The following MYSM1 variants were observed in gnomAD, a reference collection of about 807,000 sequenced individuals.
MYSM1 encodes the protein deubiquitinase MYSM1.
MYSM1 carries 51 observed loss-of-function variants against 116.0 expected under a neutral mutation model. That is an observed-to-expected ratio of 0.44 (90% CI 0.35 to 0.56). MYSM1 has a LOEUF of 0.56. Ranked by LOEUF, MYSM1 falls within the 20% of genes least tolerant of loss-of-function variation. MYSM1 has a pLI of 0.00. For missense variants in MYSM1, 900 were observed against 974.9 expected (o/e 0.92, Z 1.02); for synonymous variants, 313 against 315.2 (o/e 0.99, Z 0.07).
chr1:58,689,946 A>G lies in MYSM1; in HGVS notation c.320+280T>C, dbSNP rs1468159939. On this transcript the variant is annotated intron_variant, in intron 5 of 19. Transcript: ENST00000472487. ...AATCAAGTCAATTCCAATATATCAC[A>G]TAACAGCTTCTCAAAATTTCCCCAT... Among the ~76,000 whole-genome samples the G allele has an allele frequency of 3.3e-5, 5 of 152,356 alleles. No homozygotes were observed. The East Asian group carries it at 9.6e-4, about 29-fold the overall frequency.
intron 10 of MYSM1, among the ~76,000 whole-genome samples, chr1:58,674,492 G>A (rs928954173): frequency 6.6e-6 from 1 of 152,140 alleles, no homozygotes; most frequent in African/African-American, 2.4e-5. Flanking sequence ...AGTAAATCTA[G>A]ATAGAAATGG....
At chr1:58,679,121 T>TG (rs1317658106) in intron 8 of MYSM1, among the ~76,000 whole-genome samples, 3 of 152,324 alleles carry the variant, frequency 2.0e-5, no homozygotes, top group Admixed American at 2.0e-4. Flanking sequence ...AAAGAATCTT[T>TG]ATCTATAAAC....
Position 58,658,896 on chromosome 1 carries a change from C to T in MYSM1, c.*1101G>A, listed in dbSNP as rs1644352528. The T allele has an allele frequency of 1.3e-5, 2 of 150,038 alleles. No individual in the cohort carries two copies. The highest frequency in any genetic ancestry group is 4.9e-5 in the African/African-American group (2 of 40,896). 9.3% of individuals were successfully genotyped at this position (150,038 alleles called of 1,614,324 possible). Reference sequence around the variant, plus strand: ...TCAAGGGTTGGAGAATAATAGCCAACAGCCTATGTTTTATGAGGCCTGTGA... The same window carrying T: ...TCAAGGGTTGGAGAATAATAGCCAATAGCCTATGTTTTATGAGGCCTGTGA... On this transcript the variant is annotated 3_prime_UTR_variant, in exon 20 of 20. Transcript: ENST00000472487.
intron 8 of MYSM1, among the ~76,000 whole-genome samples, chr1:58,681,518 G>A (rs1237791038): frequency 2.0e-5 from 3 of 152,044 alleles, no homozygotes; most frequent in Non-Finnish European, 2.9e-5. Context: ...TCTTCCTAAC[G>A]CTGTCCTAGG....
chr1:58,675,431 A>G lies in MYSM1; in HGVS notation c.1494+46T>C, dbSNP rs774423897. The G allele has an allele frequency of 1.9e-5, 26 of 1,380,368 alleles. No individual in the cohort carries two copies. In the African/African-American group the frequency reaches 3.4e-4, roughly 18 times the overall value. The allele number at this position is 1,380,368 out of a possible 1,614,324, so 85.5% of individuals were successfully genotyped here. On this transcript the variant is annotated intron_variant, in intron 10 of 19. Transcript: ENST00000472487. Reference sequence around the variant, plus strand: ...TAAGTACGTAAACCACACTAAACAGAGTAAGCAGCAATGTGGAGAGATCAC... The same window carrying G: ...TAAGTACGTAAACCACACTAAACAGGGTAAGCAGCAATGTGGAGAGATCAC...
chr1:58,690,078 C>T (rs1343189831), intron 5 of MYSM1, 148 bp downstream of exon 5: 2 of 630,564 alleles, frequency 3.2e-6, no homozygotes, highest in Non-Finnish European at 5.3e-6. Context: ...ACTTGTGCCA[C>T]TCCAACATCT....
chr1:58,685,708 CAG>C (rs760645813), intron 6 of MYSM1, among the ~76,000 whole-genome samples: 69 of 152,142 alleles, frequency 4.5e-4, no homozygotes, highest in Non-Finnish European at 5.9e-5. Context: ...TATCTCACAG[CAG>C]AGACTTTTAC....
Position 58,667,239 on chromosome 1 carries a change from G to A in MYSM1, c.1843-13C>T, listed in dbSNP as rs1355992534. 4 of 1,489,024 alleles carry A rather than the reference G, an allele frequency of 2.7e-6. No homozygotes were observed. Among genetic ancestry groups the A allele is most frequent in the Non-Finnish European group, 3.6e-6 (4 of 1,110,976 alleles). 92.2% of individuals were successfully genotyped at this position (1,489,024 alleles called of 1,614,324 possible). A position where few individuals can be genotyped will look rare whatever the true frequency, so the allele number is the denominator to read the frequency against. On this transcript the variant is annotated splice_polypyrimidine_tract_variant and intron_variant, in intron 15 of 19. Coordinates refer to ENST00000472487, the MANE Select transcript of MYSM1 (RefSeq NM_001085487.3). ...CTGCTGCACAGACCTATAAACGATT[G>A]ATCCTCAAATGATTATACTAAAATC...
At chr1:58,665,464 G>GA (rs1644453938) in intron 17 of MYSM1, 35 bp downstream of exon 17, 2 of 1,495,150 alleles carry the variant, frequency 1.3e-6, no homozygotes, top group East Asian at 4.6e-5. Context: ...AATAAGAGTA[G>GA]AAAGAGGATA....
At chr1:58,682,679 GCTTTTCTTTTTTTT>G (rs72078164) in intron 7 of MYSM1, 134 bp from the exon 8 acceptor site, 190,716 of 690,536 alleles carry the variant, frequency 0.28, 14,723 homozygotes, top group Admixed American at 0.34. Context: ...CCTCTAATGC[GCTTTTCTTTTTTTT>G]CTTTTCTTTT....
Position 58,699,320 on chromosome 1 carries a change from G to A in MYSM1, c.68+665C>T, listed in dbSNP as rs556874200. Among the ~76,000 whole-genome samples, 122 of 152,306 alleles carry A rather than the reference G, an allele frequency of 8.0e-4. 1 individual carries two copies. The South Asian group carries it at 0.024, about 30-fold the overall frequency. ...TACATTCAGAGGGCACCTACCGTAT[G>A]CTAAAGCATATCTCATAATCATTTC... is the stretch of plus-strand genomic sequence containing the variant. On this transcript the variant is annotated intron_variant, in intron 1 of 19. Transcript: ENST00000472487.
chr1:58,680,728 C>A (rs1305641430), intron 8 of MYSM1, among the ~76,000 whole-genome samples: 1 of 152,176 alleles, frequency 6.6e-6, no homozygotes, highest in South Asian at 2.1e-4. Context: ...CAAAGCAGAA[C>A]CCCTGCTCAA....
intron 6 of MYSM1, 32 bp downstream of exon 6, chr1:58,689,006 T>C (rs758307046): frequency 1.9e-6 from 3 of 1,564,106 alleles, no homozygotes; most frequent in Non-Finnish European, 2.6e-6. Context: ...TCTAGAATTA[T>C]TTTACTAAAA....
Position 58,690,680 on chromosome 1 carries a change from A to ATT in MYSM1, c.219-265_219-264dup, listed in dbSNP as rs35937590. Among the ~76,000 whole-genome samples, 831 of 137,816 alleles carry ATT rather than the reference A, an allele frequency of 6.0e-3. 3 individuals carry two copies. The highest frequency in any genetic ancestry group is 0.018 in the East Asian group (86 of 4,774). 90.4% of individuals were successfully genotyped at this position (137,816 alleles called of 152,430 possible). A position where few individuals can be genotyped will look rare whatever the true frequency, so the allele number is the denominator to read the frequency against. On this transcript the variant is annotated intron_variant, in intron 3 of 19. Transcript: ENST00000472487. ...TAAAACACCATGAGATTATTTTGTG[A>ATT]TTTTTTTTTTTTTTTTTGGCTCATC... is the stretch of plus-strand genomic sequence containing the variant.
chr1:58,679,765 C>T (rs1195359335), intron 8 of MYSM1, among the ~76,000 whole-genome samples: 1 of 152,174 alleles, frequency 6.6e-6, no homozygotes, highest in Non-Finnish European at 1.5e-5. Flanking sequence ...TGGTGGCTCA[C>T]ACCTGTAATC....
At chr1:58,696,856 G>T (rs1644982128) in intron 1 of MYSM1, among the ~76,000 whole-genome samples, 1 of 152,092 alleles carries the variant, frequency 6.6e-6, no homozygotes, top group Non-Finnish European at 1.5e-5. Context: ...AGGTAGGTAG[G>T]GCGTGGATCA....
rs1644391621 is a variant in MYSM1 at position 58,661,515 on chromosome 1, GA to G, written c.2165-5del. ...ACTTCAAATTTGTAAGGTAAGCCTAGAAAAGCATAAAGAAGCACATTGTCAT... is the reference window on the plus strand; with the variant it reads ...ACTTCAAATTTGTAAGGTAAGCCTAGAAAGCATAAAGAAGCACATTGTCAT... On this transcript the variant is annotated splice_region_variant and splice_polypyrimidine_tract_variant and intron_variant, in intron 17 of 19. Transcript: ENST00000472487. 2 of 1,527,368 alleles carry G rather than the reference GA, an allele frequency of 1.3e-6. No homozygotes were observed. The highest frequency in any genetic ancestry group is 1.8e-6 in the Non-Finnish European group (2 of 1,104,216). 94.6% of individuals were successfully genotyped at this position (1,527,368 alleles called of 1,614,324 possible).
intron 8 of MYSM1, among the ~76,000 whole-genome samples, chr1:58,678,217 G>C (rs898641559): frequency 6.6e-6 from 1 of 151,984 alleles, no homozygotes. Context: ...CAGAATAGAG[G>C]GTAAAAATAA....
At chr1:58,678,481 G>A (rs929075223) in intron 8 of MYSM1, among the ~76,000 whole-genome samples, 3 of 152,156 alleles carry the variant, frequency 2.0e-5, no homozygotes, top group East Asian at 1.9e-4. Context: ...TATGTTCATG[G>A]AATAATGATT....
Sources: allele counts gnomAD v4.1 joint callset (sites outside exome capture counted in the v4.1 genomes callset), GRCh38; gene constraint gnomAD v4.1.1; transcripts MANE v1.5; gene names NCBI Gene and HGNC (gene_info 2026-07-23, HGNC 2026-07-21).